The following DLGAP2 variants were observed in gnomAD, a reference collection of about 807,000 sequenced individuals.
The protein encoded by DLGAP2 is disks large-associated protein 2.
A neutral mutation model predicts 100.3 loss-of-function variants in DLGAP2; 26 were observed. That is an observed-to-expected ratio of 0.26 (90% confidence interval 0.19 to 0.36). The LOEUF (loss-of-function observed/expected upper bound fraction) is 0.36, where lower values mean the gene tolerates loss of function less well. Ranked by LOEUF, DLGAP2 falls within the 10% of genes least tolerant of loss-of-function variation. The pLI is 1.00. For synonymous variants in DLGAP2, 886 were observed against 630.1 expected (o/e 1.41, Z -6.08); for missense variants, 1,858 against 1,453.2 (o/e 1.28, Z -4.53).
chr8:1,700,685 G>T (rs1283429561), intron 14 of DLGAP2, among the ~76,000 whole-genome samples: 1 of 152,208 alleles, frequency 6.6e-6, no homozygotes, highest in African/African-American at 2.4e-5. Flanking sequence ...AGGCCAATTA[G>T]CGAATCGGGC....
At chr8:953,990 G>T (rs1188232950) in intron 2 of DLGAP2, among the ~76,000 whole-genome samples, 4 of 152,190 alleles carry the variant, frequency 2.6e-5, no homozygotes, top group Non-Finnish European at 5.9e-5. Context: ...ACTGGTGCTG[G>T]CTGTGTTGAC....
At chr8:1,451,974 C>A (rs907496549) in intron 3 of DLGAP2, among the ~76,000 whole-genome samples, 1 of 152,230 alleles carries the variant, frequency 6.6e-6, no homozygotes, top group Admixed American at 6.5e-5. Context: ...ACTCTTAAAA[C>A]GACAACAAAA....
At chr8:1,583,222 G>C (rs1796001519) in intron 6 of DLGAP2, among the ~76,000 whole-genome samples, 1 of 152,192 alleles carries the variant, frequency 6.6e-6, no homozygotes, top group African/African-American at 2.4e-5. Context: ...TCATGAGATG[G>C]CTCCAAGCCT....
chr8:1,480,418 G>A (rs1299907722), intron 3 of DLGAP2, among the ~76,000 whole-genome samples: 2 of 152,142 alleles, frequency 1.3e-5, no homozygotes, highest in East Asian at 3.9e-4. Flanking sequence ...TGCACCCATG[G>A]CAGGGCACGT....
At chr8:739,271 C>T (rs1297717169) in intron 1 of DLGAP2, 1 of 151,748 alleles carries the variant, frequency 6.6e-6, no homozygotes, top group East Asian at 2.0e-4. Context: ...AGAGGTCGGG[C>T]CTGGGGCGCG....
intron 2 of DLGAP2, among the ~76,000 whole-genome samples, chr8:1,231,129 C>G (rs1420723979): frequency 6.6e-6 from 1 of 152,056 alleles, no homozygotes. Flanking sequence ...CTATAAGAAA[C>G]TTAACAGTTG....
chr8:1,633,368 A>C (rs1273568948), intron 8 of DLGAP2, among the ~76,000 whole-genome samples: 4 of 152,206 alleles, frequency 2.6e-5, no homozygotes, highest in Non-Finnish European at 5.9e-5. Flanking sequence ...TAAATACCAA[A>C]GTTTAATGGA....
chr8:1,059,507 G>A (rs1802987931), intron 2 of DLGAP2, among the ~76,000 whole-genome samples: 1 of 152,310 alleles, frequency 6.6e-6, no homozygotes, highest in South Asian at 2.1e-4. Context: ...AATGAGCAGA[G>A]CACGTGGTGT....
chr8:902,224 C>T (rs1185747089), intron 1 of DLGAP2, among the ~76,000 whole-genome samples: 3 of 152,290 alleles, frequency 2.0e-5, no homozygotes, highest in East Asian at 1.9e-4. Context: ...TTATTCCTCT[C>T]GGGCTCTGAT....
intron 2 of DLGAP2, among the ~76,000 whole-genome samples, chr8:1,230,307 G>A (rs746732795): frequency 1.3e-5 from 2 of 151,960 alleles, no homozygotes; most frequent in Admixed American, 6.6e-5. Context: ...CATCTAACTC[G>A]AAGTGAAAGA....
chr8:1,042,254 G>A (rs994621324), intron 2 of DLGAP2, among the ~76,000 whole-genome samples: 9 of 152,192 alleles, frequency 5.9e-5, no homozygotes, highest in Non-Finnish European at 1.0e-4. Context: ...GGACATTCTT[G>A]GGGCACAGCC....
intron 2 of DLGAP2, among the ~76,000 whole-genome samples, chr8:1,071,425 G>C (rs1446586398): frequency 6.6e-6 from 1 of 152,138 alleles, no homozygotes; most frequent in Non-Finnish European, 1.5e-5. Flanking sequence ...TCTCTCCTGG[G>C]TGGGGCTGTG....
intron 3 of DLGAP2, among the ~76,000 whole-genome samples, chr8:1,354,516 A>G (rs987000284): frequency 7.9e-5 from 12 of 152,370 alleles, no homozygotes; most frequent in Middle Eastern, 3.4e-3. Context: ...CTGTCTCAGA[A>G]AAAAAGAAAG....
intron 2 of DLGAP2, among the ~76,000 whole-genome samples, chr8:1,201,902 A>C (rs537721573): frequency 6.6e-6 from 1 of 151,740 alleles, no homozygotes; most frequent in South Asian, 2.1e-4. Flanking sequence ...GTGTATGTAC[A>C]TGTGTGCACA....
intron 3 of DLGAP2, among the ~76,000 whole-genome samples, chr8:1,371,281 G>A (rs991031659): frequency 1.3e-5 from 2 of 152,176 alleles, no homozygotes; most frequent in Non-Finnish European, 1.5e-5. Context: ...CCTTTCATTC[G>A]GCCTCTATTT....
intron 2 of DLGAP2, among the ~76,000 whole-genome samples, chr8:1,172,333 C>G (rs868391435): frequency 6.6e-6 from 1 of 151,956 alleles, no homozygotes; most frequent in African/African-American, 2.4e-5. Context: ...CCTTCATTTC[C>G]ACTTTGGTGA....
chr8:841,399 C>T (rs932020225), intron 1 of DLGAP2, among the ~76,000 whole-genome samples: 8 of 152,146 alleles, frequency 5.3e-5, no homozygotes, highest in African/African-American at 1.4e-4. Flanking sequence ...GGCAGCCTTT[C>T]GTAGATGTTC....
At position 1,615,033 on chromosome 8, in the gene DLGAP2, G is replaced by A. The variant is rs1368665389; in HGVS notation, c.1443-11707G>A. Among the ~76,000 whole-genome samples, 3 of 152,254 alleles carry A rather than the reference G, an allele frequency of 2.0e-5. No homozygotes were observed. The East Asian group carries it at 5.8e-4, about 29-fold the overall frequency. On this transcript the variant is annotated intron_variant, in intron 6 of 14. Coordinates refer to ENST00000637795, the MANE Select transcript of DLGAP2 (RefSeq NM_001346810.2). Reference sequence around the variant, plus strand: ...CAGGAGGGCGGTAGGAACTGAAGCAGACAGCTGCAGTCTCCTTGGATGTGT... The same window carrying A: ...CAGGAGGGCGGTAGGAACTGAAGCAAACAGCTGCAGTCTCCTTGGATGTGT...
intron 3 of DLGAP2, among the ~76,000 whole-genome samples, chr8:1,437,204 C>T (rs1458739847): frequency 1.3e-5 from 2 of 151,008 alleles, no homozygotes; most frequent in African/African-American, 4.9e-5. Flanking sequence ...TCAGCCCAGG[C>T]GCGTAAGGGT....
Sources: gnomAD v4.1 joint callset for allele counts (sites outside exome capture counted in the v4.1 genomes callset) on GRCh38, gnomAD v4.1.1 for gene constraint, MANE v1.5 for transcripts, NCBI Gene and HGNC (gene_info 2026-07-23, HGNC 2026-07-21) for gene names.